The following DNAH7 variants were observed in gnomAD, a reference collection of about 807,000 sequenced individuals.
The protein encoded by DNAH7 is dynein axonemal heavy chain 7, also known as axonemal beta dynein heavy chain 7.
A neutral mutation model predicts 444.6 loss-of-function variants in DNAH7; 397 were observed. That is an observed-to-expected ratio of 0.89 (90% CI 0.82 to 0.97). The LOEUF (loss-of-function observed/expected upper bound fraction) is 0.97, where lower values mean the gene tolerates loss of function less well. Ranked by LOEUF, DNAH7 falls within the 50% of genes least tolerant of loss-of-function variation. DNAH7 has a pLI of 0.00. For synonymous variants in DNAH7, 1,636 were observed against 1,624.4 expected (o/e 1.01, Z -0.17); for missense variants, 4,902 against 4,800.8 (o/e 1.02, Z -0.62).
chr2:195,969,585 A>G (rs1691707182), intron 17 of DNAH7, among the ~76,000 whole-genome samples: 1 of 152,192 alleles, frequency 6.6e-6, no homozygotes, highest in Admixed American at 6.5e-5. Context: ...ATGAAGATGG[A>G]AGAACTAAAC....
chr2:195,949,632 A>G (rs753877592), intron 19 of DNAH7, among the ~76,000 whole-genome samples: 1 of 152,206 alleles, frequency 6.6e-6, no homozygotes, highest in East Asian at 1.9e-4. Flanking sequence ...AGAACTTCCA[A>G]TACTATGTTG....
At chr2:196,037,359 A>G (rs1453530078) in intron 5 of DNAH7, among the ~76,000 whole-genome samples, 2 of 152,154 alleles carry the variant, frequency 1.3e-5, no homozygotes, top group African/African-American at 4.8e-5. Context: ...AGGAAACACA[A>G]CACCTGCAAA....
At chr2:195,796,935 C>A (rs561921516) in intron 55 of DNAH7, among the ~76,000 whole-genome samples, 198 bp from the exon 56 acceptor site, 1 of 152,084 alleles carries the variant, frequency 6.6e-6, no homozygotes, top group Non-Finnish European at 1.5e-5. Flanking sequence ...AGTCAATTCA[C>A]GTAGGAAATA....
chr2:195,857,573 T>C lies in DNAH7; in HGVS notation c.8218A>G (p.Lys2740Glu). The C allele has an allele frequency of 1.2e-6, 2 of 1,614,008 alleles. No homozygotes were observed. The highest frequency in any genetic ancestry group is 1.1e-5 in the South Asian group (1 of 91,078). The change falls in exon 44 of 65, where the codon AAG becomes GAG. Residue 2740 changes from lysine (K) to glutamate (E), a missense_variant. Transcript: ENST00000312428. ...AACCTCATGTCACCAAGAAGTCTCT[T>C]AGCTGGGCCCCAGAAATCCTCAATT... Reference protein sequence around the residue: ...KKIEDFWGPAKRLLGDMRFLQ... With the variant: ...KKIEDFWGPAERLLGDMRFLQ...
intron 47 of DNAH7, among the ~76,000 whole-genome samples, chr2:195,840,115 T>C (rs2124986396): frequency 6.6e-6 from 1 of 151,756 alleles, no homozygotes; most frequent in East Asian, 1.9e-4. Context: ...TCAAAGCACA[T>C]TAGCAAATCG....
intron 1 of DNAH7, among the ~76,000 whole-genome samples, chr2:196,067,200 G>C (rs1385792091): frequency 6.6e-6 from 1 of 152,112 alleles, no homozygotes; most frequent in Non-Finnish European, 1.5e-5. Context: ...GGGTAAGTTA[G>C]GGGAATTGTG....
At position 195,764,195 on chromosome 2, in the gene DNAH7, A is replaced by AT. The variant is rs1162766276; in HGVS notation, c.11433+7464dup. Among the ~76,000 whole-genome samples the AT allele has an allele frequency of 2.6e-5, 4 of 152,116 alleles. No individual in the cohort carries two copies. In the East Asian group the frequency reaches 5.8e-4, roughly 22 times the overall value. On this transcript the variant is annotated intron_variant, in intron 61 of 64. Coordinates refer to ENST00000312428, the MANE Select transcript of DNAH7 (RefSeq NM_018897.3). The stretch of plus-strand genomic sequence containing the variant: ...TGATAAAATTCAACATCCCTTAATG[A>AT]TTAAAAAAAAAACTTTAAAAACTGG...
At chr2:196,058,406 C>G (rs978799038) in intron 1 of DNAH7, among the ~76,000 whole-genome samples, 1 of 152,228 alleles carries the variant, frequency 6.6e-6, no homozygotes, top group African/African-American at 2.4e-5. Context: ...CCCAATTCCA[C>G]AGGGAGAGGA....
intron 64 of DNAH7, 46 bp downstream of exon 64, chr2:195,740,720 A>G (rs980187656): frequency 2.4e-6 from 2 of 820,002 alleles, no homozygotes; most frequent in African/African-American, 1.9e-5. Context: ...TATATAAAAT[A>G]TGTATAAAAT....
chr2:195,923,591 T>C lies in DNAH7; in HGVS notation c.3825+4A>G, dbSNP rs1005017905. The C allele has an allele frequency of 1.2e-6, 2 of 1,613,652 alleles. No homozygotes were observed. The highest frequency in any genetic ancestry group is 2.7e-5 in the African/African-American group (2 of 74,918). On this transcript the variant is annotated splice_donor_region_variant and intron_variant, in intron 23 of 64. Coordinates refer to ENST00000312428, the MANE Select transcript of DNAH7 (RefSeq NM_018897.3). ...GTAATATAACATTCAGTGATACCAC[T>C]TACTTGCCAGTAGTACCTAAGCTGA... is the stretch of plus-strand genomic sequence containing the variant.
At chr2:195,914,888 C>T (rs937637611) in intron 24 of DNAH7, among the ~76,000 whole-genome samples, 12 of 152,150 alleles carry the variant, frequency 7.9e-5, no homozygotes, top group African/African-American at 2.9e-4. Context: ...TCTCAAACTC[C>T]TAACCTCAGG....
chr2:195,904,040 A>G (rs425407), intron 27 of DNAH7: 37,504 of 152,178 alleles, frequency 0.25, 6,320 homozygotes, highest in African/African-American at 0.48. Context: ...TGCCCTACAT[A>G]CCTTCTGGCA....
At chr2:196,056,605 T>C (rs56705553) in intron 2 of DNAH7, among the ~76,000 whole-genome samples, 11,751 of 151,882 alleles carry the variant, frequency 0.077, 529 homozygotes, top group African/African-American at 0.12. Context: ...GACAGATAAA[T>C]GCTATTCCTT....
At chr2:195,850,284 T>C (rs1699278413) in intron 46 of DNAH7, among the ~76,000 whole-genome samples, 1 of 121,768 alleles carries the variant, frequency 8.2e-6, no homozygotes, top group Non-Finnish European at 1.6e-5. Context: ...CATAAGGTCA[T>C]GAAAAAAAAA....
At chr2:195,752,257 T>G (rs998374782) in intron 63 of DNAH7, among the ~76,000 whole-genome samples, 2 of 129,532 alleles carry the variant, frequency 1.5e-5, no homozygotes, top group East Asian at 4.5e-4. Flanking sequence ...GGTCACAATG[T>G]GAGACCCTAT....
At chr2:196,000,118 G>A (rs1052981472) in intron 12 of DNAH7, among the ~76,000 whole-genome samples, 4 of 152,160 alleles carry the variant, frequency 2.6e-5, no homozygotes, top group African/African-American at 7.2e-5. Flanking sequence ...GCACTCTTCT[G>A]TATACAGCAA....
chr2:195,882,665 A>T (rs1701456134), intron 35 of DNAH7, among the ~76,000 whole-genome samples: 2 of 152,216 alleles, frequency 1.3e-5, no homozygotes, highest in South Asian at 4.1e-4. Context: ...ATTTGCTATG[A>T]CAGTGTTTAT....
At position 195,795,354 on chromosome 2, in the gene DNAH7, C is replaced by A. The variant is rs143861105; in HGVS notation, c.10516-816G>T. Among the ~76,000 whole-genome samples, 160 of 152,294 alleles carry A rather than the reference C, an allele frequency of 1.1e-3. 1 individual carries two copies. Among genetic ancestry groups the A allele is most frequent in the African/African-American group, 3.7e-3 (153 of 41,562 alleles). ...CCAAGATCGTGCCACTGCACTCCAG[C>A]CCGGGTGACAGATTGAGACTTCATC... On this transcript the variant is annotated intron_variant, in intron 56 of 64. Coordinates refer to ENST00000312428, the MANE Select transcript of DNAH7 (RefSeq NM_018897.3).
chr2:196,022,997 G>A (rs917637578), intron 8 of DNAH7, among the ~76,000 whole-genome samples: 3 of 152,302 alleles, frequency 2.0e-5, no homozygotes, highest in Middle Eastern at 6.8e-3. Flanking sequence ...ACACCCAGGT[G>A]CCAGCACAGT....
Sources: gnomAD v4.1 joint callset for allele counts (sites outside exome capture counted in the v4.1 genomes callset) on GRCh38, gnomAD v4.1.1 for gene constraint, MANE v1.5 for transcripts, NCBI Gene and HGNC (gene_info 2026-07-23, HGNC 2026-07-21) for gene names.